EML4: variants seen among roughly 807,000 people sequenced by gnomAD.
The protein encoded by EML4 is echinoderm microtubule-associated protein-like 4.
Under a neutral mutation model 129.0 loss-of-function variants are expected in EML4, and 72 were observed. That is an observed-to-expected ratio of 0.56 (90% CI 0.46 to 0.68). The LOEUF (loss-of-function observed/expected upper bound fraction) is 0.68. Among genes scored for constraint, EML4 ranks in the 30% least tolerant of loss-of-function variants. The pLI is 0.00. For missense variants in EML4, 1,363 were observed against 1,190.6 expected (o/e 1.14, Z -2.13); for synonymous variants, 532 against 405.0 (o/e 1.31, Z -3.77).
chr2:42,295,080 G>C (rs1443104800), intron 11 of EML4, 45 bp from the exon 12 acceptor site: 2 of 1,521,002 alleles, frequency 1.3e-6, no homozygotes, highest in Non-Finnish European at 1.8e-6. Context: ...ACTTGAAGGA[G>C]ATAAGGATAT....
chr2:42,197,879 A>G (rs115614931), intron 1 of EML4, among the ~76,000 whole-genome samples: 179 of 152,354 alleles, frequency 1.2e-3, no homozygotes, highest in African/African-American at 4.2e-3. Context: ...AAATAGAATT[A>G]GAAGCATAAT....
chr2:42,281,936 A>G (rs1040966305), intron 7 of EML4, among the ~76,000 whole-genome samples: 4 of 152,220 alleles, frequency 2.6e-5, no homozygotes, highest in African/African-American at 9.6e-5. Flanking sequence ...CAGCTTGGAC[A>G]CACTCACCAA....
intron 11 of EML4, 38 bp from the exon 12 acceptor site, chr2:42,295,086 GA>G: frequency 1.3e-6 from 2 of 1,571,374 alleles, no homozygotes; most frequent in Non-Finnish European, 1.7e-6. Context: ...AGGAGATAAG[GA>G]TATACATTCA....
intron 1 of EML4, among the ~76,000 whole-genome samples, chr2:42,233,305 C>G (rs991136237): frequency 6.8e-6 from 1 of 146,692 alleles, no homozygotes; most frequent in Non-Finnish European, 1.5e-5. Flanking sequence ...TTACAGGTTT[C>G]TTTCTTTTTT....
chr2:42,188,141 A>G (rs186108934), intron 1 of EML4, among the ~76,000 whole-genome samples: 227 of 152,250 alleles, frequency 1.5e-3, no homozygotes, highest in African/African-American at 5.3e-3. Flanking sequence ...AACAGACCAC[A>G]TATGTGTAGA....
chr2:42,325,602 T>TTTTATATATATATATATATATATATATA (rs1286364147), intron 20 of EML4, 48 bp downstream of exon 20: 14 of 124,298 alleles, frequency 1.1e-4, no homozygotes, highest in African/African-American at 3.9e-4. Context: ...ATGATTATAT[T>TTTTATATATATATATATATATATATATA]TATATATATA....
At chr2:42,316,604 A>C (rs556066620) in intron 18 of EML4, among the ~76,000 whole-genome samples, 1 of 152,328 alleles carries the variant, frequency 6.6e-6, no homozygotes, top group Non-Finnish European at 1.5e-5. Context: ...TCACAATATT[A>C]AGTTTCTGTG....
rs200719867 is a variant in EML4 at position 42,244,935 on chromosome 2, TAG to T, written c.26-569_26-568del. The stretch of plus-strand genomic sequence containing the variant: ...ACCAATTAAGATGATGTTGTAAAAA[TAG>T]GGGAAATTTGACCGTGGGGACAATT... On this transcript the variant is annotated intron_variant, in intron 1 of 22. Coordinates refer to ENST00000318522, the MANE Select transcript of EML4 (RefSeq NM_019063.5). Among the ~76,000 whole-genome samples, 468 of 152,098 alleles carry T rather than the reference TAG, an allele frequency of 3.1e-3. 24 individuals carry two copies. The South Asian group carries it at 0.058, about 19-fold the overall frequency.
intron 6 of EML4, among the ~76,000 whole-genome samples, chr2:42,271,272 A>G (rs1166799194): frequency 6.6e-6 from 1 of 152,230 alleles, no homozygotes; most frequent in African/African-American, 2.4e-5. Context: ...GCTTTGTCCA[A>G]GTATTCTCTG....
At chr2:42,197,211 C>G (rs1671944007) in intron 1 of EML4, among the ~76,000 whole-genome samples, 2 of 152,084 alleles carry the variant, frequency 1.3e-5, no homozygotes. Flanking sequence ...CACAGGCACG[C>G]ACCACCACTC....
chr2:42,179,348 A>G (rs532563722), intron 1 of EML4, among the ~76,000 whole-genome samples: 9 of 152,082 alleles, frequency 5.9e-5, no homozygotes, highest in African/African-American at 1.9e-4. Context: ...TGGTAACTAA[A>G]TGAACTACCT....
chr2:42,169,594 C>G lies in EML4; in HGVS notation c.-18C>G, dbSNP rs767653202. 2 of 1,598,632 alleles carry G rather than the reference C, an allele frequency of 1.3e-6. No homozygotes were observed. The highest frequency in any genetic ancestry group is 1.7e-6 in the Non-Finnish European group (2 of 1,174,312). On this transcript the variant is annotated 5_prime_UTR_variant, in exon 1 of 23. Coordinates refer to ENST00000318522, the MANE Select transcript of EML4 (RefSeq NM_019063.5). ...TGCCCGCCCCTCTAAGCCCGGAGCC[C>G]GGCGCTTTCCCCGCAAGATGGACGG...
intron 2 of EML4, among the ~76,000 whole-genome samples, chr2:42,252,577 C>T (rs1311400197): frequency 6.6e-6 from 1 of 152,168 alleles, no homozygotes; most frequent in African/African-American, 2.4e-5. Context: ...TGCTACTTAA[C>T]TCCTCTCTGT....
At chr2:42,180,642 A>T (rs1670879647) in intron 1 of EML4, among the ~76,000 whole-genome samples, 1 of 152,198 alleles carries the variant, frequency 6.6e-6, no homozygotes, top group African/African-American at 2.4e-5. Flanking sequence ...TGCTAAATGG[A>T]TGCCCTATCA....
At position 42,323,509 on chromosome 2, in the gene EML4, T is replaced by C. The variant is rs187114632; in HGVS notation, c.2155-1958T>C. On this transcript the variant is annotated intron_variant, in intron 19 of 22. Coordinates refer to ENST00000318522, the MANE Select transcript of EML4 (RefSeq NM_019063.5). ...GTTTATTTCCCATACAGCACTATGGTGGAGATTATGGCTCCAGAAAGGTTT... is the reference window on the plus strand; with the variant it reads ...GTTTATTTCCCATACAGCACTATGGCGGAGATTATGGCTCCAGAAAGGTTT... Among the ~76,000 whole-genome samples, 6 of 152,308 alleles carry C rather than the reference T, an allele frequency of 3.9e-5. No homozygotes were observed. In the East Asian group the frequency reaches 9.6e-4, roughly 24 times the overall value.
At chr2:42,291,493 T>C (rs1667637015) in intron 11 of EML4, among the ~76,000 whole-genome samples, 1 of 146,720 alleles carries the variant, frequency 6.8e-6, no homozygotes, top group Admixed American at 7.0e-5. Context: ...AGCCTCCGCC[T>C]CCTGGGTTCA....
At position 42,205,368 on chromosome 2, in the gene EML4, T is replaced by C. The variant is rs1332698494; in HGVS notation, c.25+35732T>C. 2.0e-5 allele frequency among the ~76,000 whole-genome samples: 3 copies of C among 152,232 alleles called. No individual in the cohort carries two copies. In the East Asian group the frequency reaches 5.8e-4, roughly 29 times the overall value. On this transcript the variant is annotated intron_variant, in intron 1 of 22. Coordinates refer to ENST00000318522, the MANE Select transcript of EML4 (RefSeq NM_019063.5). ...CTGTCCTTACACATAGTGAAGTTTATCAGCAAAAGTTGACATTTTTATATT... is the reference window on the plus strand; with the variant it reads ...CTGTCCTTACACATAGTGAAGTTTACCAGCAAAAGTTGACATTTTTATATT...
chr2:42,271,540 A>G (rs1666366897), intron 6 of EML4, among the ~76,000 whole-genome samples: 1 of 152,200 alleles, frequency 6.6e-6, no homozygotes, highest in Non-Finnish European at 1.5e-5. Flanking sequence ...AACTTCTAAG[A>G]ACATGTTCTT....
At chr2:42,257,118 G>A (rs1047052023) in intron 3 of EML4, among the ~76,000 whole-genome samples, 7 of 152,066 alleles carry the variant, frequency 4.6e-5, no homozygotes, top group African/African-American at 1.4e-4. Flanking sequence ...GTGTGTGGGG[G>A]TGTATGTGTG....
Sources: gnomAD v4.1 joint callset for allele counts (sites outside exome capture counted in the v4.1 genomes callset) on GRCh38, gnomAD v4.1.1 for gene constraint, MANE v1.5 for transcripts, NCBI Gene and HGNC (gene_info 2026-07-23, HGNC 2026-07-21) for gene names.